The following KCTD3 variants were observed in gnomAD, a reference collection of about 807,000 sequenced individuals.
KCTD3 encodes the protein potassium channel tetramerization domain containing 3.
KCTD3 carries 41 observed loss-of-function variants against 85.8 expected under a neutral mutation model. The ratio of observed to expected loss-of-function variants is 0.48; its 90% CI spans 0.37 to 0.62. The LOEUF (loss-of-function observed/expected upper bound fraction) is 0.62, where lower values mean the gene tolerates loss of function less well. KCTD3 is among the 20% of genes least tolerant of loss of function. The pLI, the probability that KCTD3 is intolerant of heterozygous loss-of-function variation, is 0.00. For missense variants in KCTD3, 724 were observed against 989.9 expected, an observed-to-expected ratio of 0.73 and a Z score of 3.60; for synonymous variants, 338 against 345.4, an observed-to-expected ratio of 0.98 and a Z score of 0.24.
chr1:215,592,761 A>G (rs1157061558), intron 9 of KCTD3, among the ~76,000 whole-genome samples: 1 of 152,226 alleles, frequency 6.6e-6, no homozygotes, highest in African/African-American at 2.4e-5. Context: ...TGGTATATCC[A>G]TGATAAAGCT....
At chr1:215,611,261 C>CA (rs1322757177) in intron 14 of KCTD3, among the ~76,000 whole-genome samples, 2 of 151,900 alleles carry the variant, frequency 1.3e-5, no homozygotes, top group African/African-American at 4.8e-5. Flanking sequence ...CTTTAATCTT[C>CA]ATACTGTGTT....
intron 9 of KCTD3, among the ~76,000 whole-genome samples, chr1:215,588,137 G>A (rs910014890): frequency 1.3e-5 from 2 of 152,012 alleles, no homozygotes; most frequent in Non-Finnish European, 2.9e-5. Flanking sequence ...ATTTTTTGAG[G>A]ATAGTTCTGC....
chr1:215,598,989 A>G (rs1654718541), intron 10 of KCTD3, among the ~76,000 whole-genome samples: 2 of 152,224 alleles, frequency 1.3e-5, no homozygotes, highest in South Asian at 4.1e-4. Context: ...ATGTGCTATA[A>G]TAAAAGATAA....
chr1:215,587,801 TTC>T (rs1304821640), intron 9 of KCTD3, among the ~76,000 whole-genome samples: 3 of 152,260 alleles, frequency 2.0e-5, no homozygotes, highest in African/African-American at 7.2e-5. Context: ...ACTTTTCATA[TTC>T]TGTTAAATTA....
In KCTD3 at chr1:215,579,049, G is replaced by A. The variant is rs1659693321; in HGVS notation, c.447G>A (p.Arg149=). The A allele has an allele frequency of 1.3e-6, 2 of 1,583,742 alleles. No homozygotes were observed. The highest frequency in any genetic ancestry group is 1.7e-6 in the Non-Finnish European group (2 of 1,168,972). ...INNTVRSADS[R]NGLNSTEGEA... is the part of the protein sequence containing the mutation. Reference sequence around the variant, plus strand: ...ACACAGTCAGATCTGCTGATTCTAGGAATGGTCTAAATTCTACAGAAGGTG... The same window carrying A: ...ACACAGTCAGATCTGCTGATTCTAGAAATGGTCTAAATTCTACAGAAGGTG... The change falls in exon 7 of 18, where the codon AGG becomes AGA. Residue 149 remains arginine, a synonymous_variant. Transcript: ENST00000259154.
In KCTD3 at chr1:215,586,232, C is replaced by A. The variant is rs542599150; in HGVS notation, c.627-263C>A. On this transcript the variant is annotated intron_variant, in intron 8 of 17. Coordinates refer to ENST00000259154, the MANE Select transcript of KCTD3 (RefSeq NM_016121.5). Reference sequence around the variant, plus strand: ...ATTTGGAGGACTTTACTAAATTATTCTTTGGGGAAATATAGAACTGTAGTC... The same window carrying A: ...ATTTGGAGGACTTTACTAAATTATTATTTGGGGAAATATAGAACTGTAGTC... Among the ~76,000 whole-genome samples the A allele has an allele frequency of 7.2e-5, 11 of 152,040 alleles. No individual in the cohort carries two copies. In the East Asian group the frequency reaches 2.1e-3, roughly 29 times the overall value.
intron 9 of KCTD3, among the ~76,000 whole-genome samples, chr1:215,587,169 G>A (rs932158571): frequency 1.2e-4 from 17 of 145,230 alleles, no homozygotes; most frequent in Non-Finnish European, 1.6e-4. Context: ...TCGCTCTGTC[G>A]CCCAGGCTGT....
chr1:215,592,724 A>G (rs1043047212), intron 9 of KCTD3, among the ~76,000 whole-genome samples: 7 of 152,214 alleles, frequency 4.6e-5, no homozygotes, highest in South Asian at 2.1e-4. Flanking sequence ...GAACATGACA[A>G]CACTATCCAA....
At chr1:215,588,022 TAA>T (rs1455706333) in intron 9 of KCTD3, among the ~76,000 whole-genome samples, 1 of 152,194 alleles carries the variant, frequency 6.6e-6, no homozygotes, top group Non-Finnish European at 1.5e-5. Flanking sequence ...CTGTGGCAGA[TAA>T]AAGTTTTCCA....
At chr1:215,603,988 T>G (rs1030179857) in intron 12 of KCTD3, 144 bp from the exon 13 acceptor site, 4 of 312,164 alleles carry the variant, frequency 1.3e-5, no homozygotes, top group African/African-American at 8.9e-5. Flanking sequence ...AGTCTTAAGA[T>G]TTTTTTTTTT....
chr1:215,571,781 G>A (rs1346985935), intron 1 of KCTD3, among the ~76,000 whole-genome samples: 1 of 151,968 alleles, frequency 6.6e-6, no homozygotes, highest in Non-Finnish European at 1.5e-5. Context: ...ACAGGTGCCC[G>A]CCACCACGCC....
intron 12 of KCTD3, among the ~76,000 whole-genome samples, chr1:215,603,166 A>G (rs1416233938): frequency 6.6e-6 from 1 of 152,106 alleles, no homozygotes; most frequent in Non-Finnish European, 1.5e-5. Flanking sequence ...TTTTAAATCT[A>G]GTTAAAAGGC....
At chr1:215,601,142 A>T (rs1210355649) in intron 10 of KCTD3, among the ~76,000 whole-genome samples, 3 of 143,008 alleles carry the variant, frequency 2.1e-5, no homozygotes, top group African/African-American at 8.7e-5. Context: ...TCACCGTGTT[A>T]GCTAGGCTGA....
chr1:215,608,268 C>A, intron 14 of KCTD3, 96 bp downstream of exon 14: 3 of 742,150 alleles, frequency 4.0e-6, no homozygotes, highest in Non-Finnish European at 6.0e-6. Context: ...GTTTTAAATA[C>A]AAATTTTCCA....
chr1:215,581,795 A>G (rs1659834910), intron 8 of KCTD3, among the ~76,000 whole-genome samples: 1 of 152,240 alleles, frequency 6.6e-6, no homozygotes, highest in Non-Finnish European at 1.5e-5. Flanking sequence ...ATATAGTTAA[A>G]TCATTCAACA....
At chr1:215,614,398 ATTAC>A (rs1655354989) in intron 15 of KCTD3, among the ~76,000 whole-genome samples, 1 of 152,160 alleles carries the variant, frequency 6.6e-6, no homozygotes, top group Non-Finnish European at 1.5e-5. Flanking sequence ...CATTGATGTA[ATTAC>A]TTTGTGTAGC....
At chr1:215,599,018 C>G (rs1421468837) in intron 10 of KCTD3, among the ~76,000 whole-genome samples, 1 of 152,144 alleles carries the variant, frequency 6.6e-6, no homozygotes, top group Non-Finnish European at 1.5e-5. Flanking sequence ...AAAAAGTATT[C>G]ATAGAATAGT....
Position 215,567,376 on chromosome 1 carries a change from G to A in KCTD3, c.-310G>A, listed in dbSNP as rs1279733003. 1.6e-5 allele frequency: 3 copies of A among 193,520 alleles called. No individual in the cohort carries two copies. Among genetic ancestry groups the A allele is most frequent in the Non-Finnish European group, 3.1e-5 (3 of 96,136 alleles). The allele number at this position is 193,520 out of a possible 1,614,324, so 12.0% of individuals were successfully genotyped here. On this transcript the variant is annotated 5_prime_UTR_variant, in exon 1 of 18. Coordinates refer to ENST00000259154, the MANE Select transcript of KCTD3 (RefSeq NM_016121.5). ...TCCCGAACGGTGACCCCTCCTCCCA[G>A]GCAGGCTGCGGCGGCGTCGGTGGCA...
In KCTD3 at chr1:215,609,672, C is replaced by T. The variant is rs537940359; in HGVS notation, c.1465+1500C>T. ...GTGGTCATTGACTAGATGTGGCAGG[C>T]ATGAGAGAGGAAGGAGTCTAAAGTG... On this transcript the variant is annotated intron_variant, in intron 14 of 17. Transcript: ENST00000259154. Among the ~76,000 whole-genome samples the T allele has an allele frequency of 1.6e-3, 242 of 151,890 alleles. 1 individual carries two copies. The highest frequency in any genetic ancestry group is 3.4e-3 in the Middle Eastern group (1 of 294).
Sources: allele counts gnomAD v4.1 joint callset (sites outside exome capture counted in the v4.1 genomes callset), GRCh38; gene constraint gnomAD v4.1.1; transcripts MANE v1.5; gene names NCBI Gene and HGNC (gene_info 2026-07-23, HGNC 2026-07-21).